Variants in SLC15A2 observed in about 807,000 individuals in gnomAD.
SLC15A2 encodes the protein kidney H(+)/peptide cotransporter.
SLC15A2 carries 77 observed loss-of-function variants against 95.5 expected under a neutral mutation model. The ratio of observed to expected loss-of-function variants is 0.81; its 90% CI spans 0.67 to 0.97. The LOEUF (loss-of-function observed/expected upper bound fraction) is 0.97. Ranked by LOEUF, SLC15A2 falls within the 50% of genes least tolerant of loss-of-function variation. SLC15A2 has a pLI of 0.00. For missense variants in SLC15A2, 893 were observed against 874.4 expected, an observed-to-expected ratio of 1.02 and a Z score of -0.27; for synonymous variants, 306 against 306.9, an observed-to-expected ratio of 1.00 and a Z score of 0.03.
intron 3 of SLC15A2, among the ~76,000 whole-genome samples, chr3:121,906,098 T>C (rs1709636087): frequency 6.6e-6 from 1 of 152,244 alleles, no homozygotes; most frequent in Admixed American, 6.5e-5. Context: ...TTTACCATTA[T>C]GTAATGGCCT....
rs1225842387 is a variant in SLC15A2, at chr3:121,942,404, T to C, written c.*1397T>C. The C allele has an allele frequency of 6.6e-6, 1 of 152,224 alleles. No individual in the cohort carries two copies. Among genetic ancestry groups the C allele is most frequent in the Non-Finnish European group, 1.5e-5 (1 of 68,020 alleles). The allele number at this position is 152,224 out of a possible 1,614,324, so 9.4% of individuals were successfully genotyped here. ...CATTGGTTTTAAAACATTATTCTCA[T>C]GTAGAACAGTGTTGGGTCTCATACT... On this transcript the variant is annotated 3_prime_UTR_variant, in exon 22 of 22. Coordinates refer to ENST00000489711, the MANE Select transcript of SLC15A2 (RefSeq NM_021082.4).
rs1710176507 is a variant in SLC15A2 at position 121,928,988 on chromosome 3, C to T, written c.1348C>T (p.Pro450Ser). The T allele has an allele frequency of 6.2e-7, 1 of 1,613,582 alleles. No individual in the cohort carries two copies. Among genetic ancestry groups the T allele is most frequent in the East Asian group, 2.2e-5 (1 of 44,882 alleles). ...IESIKSFQKT[P>S]HYSKLHLKTK... is the part of the protein sequence containing the mutation. ...TATATTCTTCATTTTACAGAAAACA[C>T]CACACTATTCCAAACTGCACCTGAA... Residue 450 changes from proline to serine, a missense_variant, in exon 16 of 22, where the codon CCA (proline) becomes TCA (serine). Pro to Ser is a moderately conservative substitution (Grantham distance 74). Transcript: ENST00000489711.
At chr3:121,906,901 T>C (rs1709659267) in intron 3 of SLC15A2, among the ~76,000 whole-genome samples, 1 of 152,222 alleles carries the variant, frequency 6.6e-6, no homozygotes, top group Non-Finnish European at 1.5e-5. Flanking sequence ...TGGCCTGCCT[T>C]GCTAGGTTGG....
intron 7 of SLC15A2, among the ~76,000 whole-genome samples, chr3:121,919,426 G>T (rs1326372203): frequency 2.6e-5 from 4 of 152,168 alleles, no homozygotes; most frequent in African/African-American, 4.8e-5. Flanking sequence ...TCCTAGAGGG[G>T]ACCCGAAGTA....
At chr3:121,917,778 G>A (rs1181282318) in intron 7 of SLC15A2, among the ~76,000 whole-genome samples, 1 of 152,098 alleles carries the variant, frequency 6.6e-6, no homozygotes, top group Non-Finnish European at 1.5e-5. Context: ...TTTAAGGTGA[G>A]ACCTAAGGGC....
At chr3:121,935,340 T>C (rs1710318447) in intron 19 of SLC15A2, among the ~76,000 whole-genome samples, 1 of 152,206 alleles carries the variant, frequency 6.6e-6, no homozygotes, top group Non-Finnish European at 1.5e-5. Context: ...GAAGGAATGG[T>C]ATCAGTTCCT....
intron 3 of SLC15A2, among the ~76,000 whole-genome samples, chr3:121,910,712 A>G (rs1429526425): frequency 1.3e-5 from 2 of 152,182 alleles, no homozygotes; most frequent in African/African-American, 2.4e-5. Context: ...TCCAAGGTTC[A>G]TTATAATGCT....
At chr3:121,908,520 T>A (rs1481394141) in intron 3 of SLC15A2, among the ~76,000 whole-genome samples, 2 of 152,114 alleles carry the variant, frequency 1.3e-5, no homozygotes, top group African/African-American at 2.4e-5. Flanking sequence ...TTGGAGTTAT[T>A]ATGCTTTTGA....
chr3:121,940,879 A>T lies in SLC15A2; in HGVS notation c.2062A>T (p.Ile688Phe), dbSNP rs1186370045. 1 of 1,614,004 alleles carries T rather than the reference A, an allele frequency of 6.2e-7. No homozygotes were observed. Among genetic ancestry groups the T allele is most frequent in the African/African-American group, 1.3e-5 (1 of 75,012 alleles). Residue 688 changes from isoleucine (I) to phenylalanine (F), a missense_variant, in exon 22 of 22, where the codon ATC becomes TTC. Physicochemically the swap from Ile to Phe is conservative, Grantham distance 21 (BLOSUM62 0). Transcript: ENST00000489711. ...CTGCCTCCTGCTGGTGATCTGCCTG[A>T]TCTTCTCCATCATGGGCTACTACTA... The part of the protein sequence containing the change: ...FSCLLLVICL[I>F]FSIMGYYYVP...
At position 121,922,505 on chromosome 3, in the gene SLC15A2, A is replaced by G. The variant is rs11920521; in HGVS notation, c.780+203A>G. 0.45 allele frequency among the ~76,000 whole-genome samples: 67,782 copies of G among 151,954 alleles called. 15,654 individuals are homozygous for G. Among genetic ancestry groups the G allele is most frequent in the East Asian group, 0.69 (3,593 of 5,176 alleles). ...GTTAAAAAAAGTAATCATCTTTTTA[A>G]GTTGGCAAAAATCTTCTGAAATGTA... On this transcript the variant is annotated intron_variant, in intron 8 of 21. Coordinates refer to ENST00000489711, the MANE Select transcript of SLC15A2 (RefSeq NM_021082.4).
At chr3:121,905,332 T>C (rs1709613335) in intron 3 of SLC15A2, among the ~76,000 whole-genome samples, 1 of 152,232 alleles carries the variant, frequency 6.6e-6, no homozygotes, top group South Asian at 2.1e-4. Context: ...GAAGGGTTTT[T>C]TGTGTCTCTA....
chr3:121,933,313 T>A (rs1465024944), intron 19 of SLC15A2, among the ~76,000 whole-genome samples: 5 of 151,476 alleles, frequency 3.3e-5, no homozygotes, highest in Non-Finnish European at 5.9e-5. Flanking sequence ...TATTTCTAGT[T>A]CTAGATCCCT....
chr3:121,923,325 A>G (rs1710047145), intron 11 of SLC15A2, 59 bp downstream of exon 11: 1 of 1,532,644 alleles, frequency 6.5e-7, no homozygotes, highest in African/African-American at 1.4e-5. Context: ...CATATTGGGG[A>G]AAAATTAATT....
At chr3:121,917,641 T>C (rs1251773677) in intron 7 of SLC15A2, among the ~76,000 whole-genome samples, 2 of 152,110 alleles carry the variant, frequency 1.3e-5, no homozygotes, top group Non-Finnish European at 2.9e-5. Flanking sequence ...TGAGCCATGA[T>C]TGAGCCACTG....
intron 13 of SLC15A2, among the ~76,000 whole-genome samples, chr3:121,927,301 A>G (rs1353903515): frequency 1.3e-5 from 2 of 152,202 alleles, no homozygotes; most frequent in Non-Finnish European, 2.9e-5. Context: ...GTTGAAATGT[A>G]ATTCCCAGTG....
In SLC15A2 at chr3:121,894,522, C is replaced by G; in HGVS notation, c.46C>G (p.Pro16Ala). The G allele has an allele frequency of 6.2e-7, 1 of 1,613,648 alleles. No homozygotes were observed. Among genetic ancestry groups the G allele is most frequent in the East Asian group, 2.2e-5 (1 of 44,840 alleles). ...TGAGTCCAAGGAAACTCTTTTTTCA[C>G]CTGTCTCCATTGAAGAGGTACCACC... ...KNESKETLFS[P>A]VSIEEVPPRP... Residue 16 changes from proline (P) to alanine (A), a missense_variant, in exon 1 of 22, where the codon CCT becomes GCT. By Grantham distance (27) the Pro-to-Ala change is conservative (BLOSUM62 -1). Transcript: ENST00000489711.
chr3:121,923,711 A>ATTAT (rs1200848524), intron 11 of SLC15A2, among the ~76,000 whole-genome samples: 1 of 152,180 alleles, frequency 6.6e-6, no homozygotes, highest in African/African-American at 2.4e-5. Flanking sequence ...GGTTATACGT[A>ATTAT]TTATTTTCTC....
chr3:121,929,376 ACT>A lies in SLC15A2; in HGVS notation c.1553+31_1553+32del, dbSNP rs1559852193. The stretch of plus-strand genomic sequence containing the variant: ...TTGAATGTCAATGAGATTCCAGGCC[ACT>A]CTGTTTTCTTGAATCTTGGATCTCT... On this transcript the variant is annotated intron_variant, in intron 17 of 21. Coordinates refer to ENST00000489711, the MANE Select transcript of SLC15A2 (RefSeq NM_021082.4). 1.9e-6 allele frequency: 3 copies of A among 1,610,240 alleles called. No individual in the cohort carries two copies. The East Asian group carries it at 6.7e-5, about 36-fold the overall frequency.
intron 3 of SLC15A2, among the ~76,000 whole-genome samples, chr3:121,908,691 C>T (rs1709704350): frequency 6.6e-6 from 1 of 152,218 alleles, no homozygotes; most frequent in Non-Finnish European, 1.5e-5. Context: ...GTATATACCT[C>T]TTCTTAGTTC....
Sources: gnomAD v4.1 joint callset for allele counts (sites outside exome capture counted in the v4.1 genomes callset) on GRCh38, gnomAD v4.1.1 for gene constraint, MANE v1.5 for transcripts, NCBI Gene and HGNC (gene_info 2026-07-23, HGNC 2026-07-21) for gene names.